The following PTPRO variants were observed in gnomAD, a reference collection of about 807,000 sequenced individuals.
PTPRO encodes protein tyrosine phosphatase receptor type O.
Under a neutral mutation model 145.2 loss-of-function variants are expected in PTPRO, and 62 were observed. The ratio of observed to expected loss-of-function variants is 0.43; its 90% CI spans 0.35 to 0.53. The LOEUF is 0.53. Among genes scored for constraint, PTPRO ranks in the 20% least tolerant of loss-of-function variants. PTPRO has a pLI of 0.01. For missense variants in PTPRO, 1,345 were observed against 1,482.7 expected (o/e 0.91, Z 1.53); for synonymous variants, 565 against 514.7 (o/e 1.10, Z -1.32).
intron 1 of PTPRO, among the ~76,000 whole-genome samples, chr12:15,384,695 A>G (rs1005743290): frequency 1.3e-5 from 2 of 152,212 alleles, no homozygotes; most frequent in Non-Finnish European, 2.9e-5. Context: ...TGAGAGGAAC[A>G]CAATTTAGTC....
intron 13 of PTPRO, among the ~76,000 whole-genome samples, chr12:15,548,254 T>C (rs1943350093): frequency 6.6e-6 from 1 of 152,084 alleles, no homozygotes; most frequent in Admixed American, 6.6e-5. Flanking sequence ...CTAGTAATAA[T>C]GGGAAAGCTC....
At chr12:15,493,109 G>A (rs995873481) in intron 2 of PTPRO, among the ~76,000 whole-genome samples, 2 of 152,012 alleles carry the variant, frequency 1.3e-5, no homozygotes, top group South Asian at 4.2e-4. Context: ...GAAAAAAAGC[G>A]AAGTATCTAC....
intron 1 of PTPRO, among the ~76,000 whole-genome samples, chr12:15,361,207 G>C (rs1479135969): frequency 6.6e-5 from 10 of 151,712 alleles, no homozygotes; most frequent in African/African-American, 1.9e-4. Context: ...GGAGGCCAAG[G>C]CAGGCAGATC....
At chr12:15,377,417 G>A (rs1938720901) in intron 1 of PTPRO, among the ~76,000 whole-genome samples, 1 of 151,954 alleles carries the variant, frequency 6.6e-6, no homozygotes, top group Non-Finnish European at 1.5e-5. Flanking sequence ...CTGTCTACAA[G>A]AGACACATTT....
chr12:15,352,409 G>A (rs1937833992), intron 1 of PTPRO, among the ~76,000 whole-genome samples: 1 of 152,110 alleles, frequency 6.6e-6, no homozygotes, highest in African/African-American at 2.4e-5. Context: ...CCAGTACTTT[G>A]GGAGGCCAAG....
intron 1 of PTPRO, among the ~76,000 whole-genome samples, chr12:15,366,128 G>A (rs925822789): frequency 5.3e-5 from 8 of 152,128 alleles, no homozygotes; most frequent in African/African-American, 1.9e-4. Flanking sequence ...GCTCCTAGGC[G>A]ACAAATATCA....
chr12:15,519,575 C>T (rs1007177207), intron 9 of PTPRO, among the ~76,000 whole-genome samples: 1 of 152,180 alleles, frequency 6.6e-6, no homozygotes, highest in African/African-American at 2.4e-5. Flanking sequence ...GGGAGGAACA[C>T]AAAGAGATTT....
intron 1 of PTPRO, among the ~76,000 whole-genome samples, chr12:15,457,682 A>G (rs1371030393): frequency 6.6e-6 from 1 of 152,124 alleles, no homozygotes; most frequent in East Asian, 1.9e-4. Flanking sequence ...ACATAACACA[A>G]CTTTTATTAT....
At position 15,580,031 on chromosome 12, in the gene PTPRO, C is replaced by T; in HGVS notation, c.2921-8C>T. On this transcript the variant is annotated splice_region_variant and splice_polypyrimidine_tract_variant and intron_variant, in intron 20 of 26. Transcript: ENST00000281171. ...ATTTTAATATTTTTTTCTCCTTATT[C>T]TCTACAGATGACTTCAGCCGTGTGA... The T allele has an allele frequency of 1.2e-6, 2 of 1,610,388 alleles. No homozygotes were observed. The highest frequency in any genetic ancestry group is 1.7e-6 in the Non-Finnish European group (2 of 1,177,554).
intron 1 of PTPRO, among the ~76,000 whole-genome samples, chr12:15,443,379 T>C (rs1446253078): frequency 1.3e-5 from 2 of 151,980 alleles, no homozygotes; most frequent in Non-Finnish European, 2.9e-5. Context: ...AACATAAGAC[T>C]TCAAACTATA....
Position 15,551,683 on chromosome 12 carries a change from T to C in PTPRO, c.2558+12T>C, listed in dbSNP as rs766689445. 8.1e-6 allele frequency: 13 copies of C among 1,611,582 alleles called. No individual in the cohort carries two copies. The South Asian group carries it at 1.4e-4, about 18-fold the overall frequency. On this transcript the variant is annotated intron_variant, in intron 15 of 26. Coordinates refer to ENST00000281171, the MANE Select transcript of PTPRO (RefSeq NM_030667.3). ...CTGCAGATGGCTAGGTAAGTTAAGT[T>C]TTACTAATATTTTATCCGGAATCTT...
chr12:15,590,684 G>A (rs919287493), intron 25 of PTPRO, among the ~76,000 whole-genome samples: 1 of 152,156 alleles, frequency 6.6e-6, no homozygotes, highest in Non-Finnish European at 1.5e-5. Context: ...CTGAACTACA[G>A]CAGGATCATA....
intron 1 of PTPRO, among the ~76,000 whole-genome samples, chr12:15,425,141 A>G (rs1156908741): frequency 2.0e-5 from 3 of 152,018 alleles, no homozygotes; most frequent in African/African-American, 7.2e-5. Context: ...ATCCTTTGTC[A>G]TTTTTGTTGT....
At chr12:15,505,043 C>T (rs571335670) in intron 6 of PTPRO, among the ~76,000 whole-genome samples, 1 of 152,126 alleles carries the variant, frequency 6.6e-6, no homozygotes, top group African/African-American at 2.4e-5. Flanking sequence ...GTGTGAGAGA[C>T]CTTGGACATG....
chr12:15,500,783 A>G (rs968935602), intron 4 of PTPRO, among the ~76,000 whole-genome samples: 8 of 152,264 alleles, frequency 5.3e-5, no homozygotes, highest in Non-Finnish European at 8.8e-5. Context: ...TTAGCTGGGC[A>G]TGGTGGCTGG....
At chr12:15,357,273 G>A (rs1938025749) in intron 1 of PTPRO, among the ~76,000 whole-genome samples, 1 of 152,190 alleles carries the variant, frequency 6.6e-6, no homozygotes, top group Non-Finnish European at 1.5e-5. Context: ...ATGGCTGCAG[G>A]TGATTGTTTC....
intron 1 of PTPRO, among the ~76,000 whole-genome samples, chr12:15,327,943 G>A (rs1159568174): frequency 6.6e-6 from 1 of 151,870 alleles, no homozygotes; most frequent in Admixed American, 6.6e-5. Flanking sequence ...GTGAAACCCC[G>A]TCTCTACTAA....
intron 1 of PTPRO, among the ~76,000 whole-genome samples, chr12:15,326,104 T>C (rs1866438538): frequency 6.6e-6 from 1 of 152,208 alleles, no homozygotes; most frequent in African/African-American, 2.4e-5. Flanking sequence ...CTGCCTTTCC[T>C]TTCCTATGTC....
chr12:15,366,565 C>T (rs1938368412), intron 1 of PTPRO, among the ~76,000 whole-genome samples: 1 of 152,046 alleles, frequency 6.6e-6, no homozygotes, highest in African/African-American at 2.4e-5. Flanking sequence ...TTTAGTTAGA[C>T]AAAAGCTGTA....
Sources: allele counts gnomAD v4.1 joint callset (sites outside exome capture counted in the v4.1 genomes callset), GRCh38; gene constraint gnomAD v4.1.1; transcripts MANE v1.5; gene names NCBI Gene and HGNC (gene_info 2026-07-23, HGNC 2026-07-21).